ASAP2: variants seen among roughly 807,000 people sequenced by gnomAD.
ASAP2 encodes ArfGAP with SH3 domain, ankyrin repeat and PH domain 2, also known as arf-GAP with SH3 domain, ANK repeat and PH domain-containing protein 2.
In ASAP2, 45 loss-of-function variants were observed where a neutral mutation model predicts 131.4. The observed-to-expected ratio is 0.34, with a 90% confidence interval of 0.27 to 0.44. ASAP2 has a LOEUF of 0.44. Among genes scored for constraint, ASAP2 ranks in the 20% least tolerant of loss-of-function variants. ASAP2 has a pLI of 1.00. For missense variants in ASAP2, 1,011 were observed against 1,297.0 expected, an observed-to-expected ratio of 0.78 and a Z score of 3.39; for synonymous variants, 510 against 503.0, an observed-to-expected ratio of 1.01 and a Z score of -0.19.
At chr2:9,272,888 C>G (rs1292939962) in intron 1 of ASAP2, among the ~76,000 whole-genome samples, 1 of 152,032 alleles carries the variant, frequency 6.6e-6, no homozygotes, top group Non-Finnish European at 1.5e-5. Context: ...TTTCTGGGTT[C>G]TCTATTCCAT....
rs1291699561 is a variant in ASAP2 at position 9,232,041 on chromosome 2, A to T, written c.126+24811A>T. ...GCAGTGGGTGCCCCTGTCATTTGTCAGCCAGAGCATTCAACAGCCTCTGCT... is the reference window on the plus strand; with the variant it reads ...GCAGTGGGTGCCCCTGTCATTTGTCTGCCAGAGCATTCAACAGCCTCTGCT... On this transcript the variant is annotated intron_variant, in intron 1 of 27. Coordinates refer to ENST00000281419, the MANE Select transcript of ASAP2 (RefSeq NM_003887.3). The surrounding 1 kb of genome is among the most constrained non-coding windows in gnomAD (Gnocchi z 4.1). 1.3e-5 allele frequency among the ~76,000 whole-genome samples: 2 copies of T among 152,152 alleles called. No individual in the cohort carries two copies. Among genetic ancestry groups the T allele is most frequent in the Non-Finnish European group, 2.9e-5 (2 of 68,034 alleles).
intron 3 of ASAP2, among the ~76,000 whole-genome samples, chr2:9,299,746 A>G (rs979547769): frequency 1.3e-5 from 2 of 152,186 alleles, no homozygotes; most frequent in Non-Finnish European, 2.9e-5. Flanking sequence ...TATTCAGCTG[A>G]TATCTAGACC....
chr2:9,245,978 C>T (rs974221424), intron 1 of ASAP2, among the ~76,000 whole-genome samples: 4 of 152,132 alleles, frequency 2.6e-5, no homozygotes, highest in Non-Finnish European at 4.4e-5. Flanking sequence ...AACAAGCATA[C>T]GATGGGGATG....
chr2:9,335,071 T>TTG (rs113238701), intron 8 of ASAP2, 22 bp from the exon 9 acceptor site: 19,999 of 1,601,556 alleles, frequency 0.012, 598 homozygotes, highest in African/African-American at 0.099. Context: ...ATTGGTTCTG[T>TTG]TGTGTGTGTG....
At chr2:9,367,793 CAT>C (rs1174732783) in intron 15 of ASAP2, among the ~76,000 whole-genome samples, 2 of 152,216 alleles carry the variant, frequency 1.3e-5, no homozygotes, top group Non-Finnish European at 2.9e-5. Context: ...TAATGTTTAA[CAT>C]GTCAGAAGAT....
rs973269116 is a variant in ASAP2 at position 9,247,728 on chromosome 2, C to T, written c.127-31589C>T. Among the ~76,000 whole-genome samples, 3 of 152,200 alleles carry T rather than the reference C, an allele frequency of 2.0e-5. 1 individual carries two copies. The South Asian group carries it at 6.2e-4, about 31-fold the overall frequency. On this transcript the variant is annotated intron_variant, in intron 1 of 27. Transcript: ENST00000281419. ...TGGTGCCAGACGCGGAGTAGGTGTT[C>T]AGTGAATGCAGAAGCTATTTCTGTT...
chr2:9,270,388 C>G (rs1444587298), intron 1 of ASAP2, among the ~76,000 whole-genome samples: 1 of 151,758 alleles, frequency 6.6e-6, no homozygotes, highest in Non-Finnish European at 1.5e-5. Flanking sequence ...GAGACTCAAG[C>G]TTTGTTATTT....
chr2:9,400,762 G>A lies in ASAP2; in HGVS notation c.2755G>A (p.Ala919Thr). ...TACAGTGGATCTCTCTGCAACGGAA[G>A]CTCTGGGTCCTCTGTCCAATGCTAT... ...RGPVDLSATE[A>T]LGPLSNAMVL... Residue 919 changes from alanine (A) to threonine (T), a missense_variant, in exon 26 of 28, where the codon GCT becomes ACT. This residue lies in a region of ASAP2 where 652 missense variants were observed against 698.9 expected (regional missense o/e 0.93). Transcript: ENST00000281419. 6.2e-7 allele frequency: 1 copy of A among 1,613,770 alleles called. No individual in the cohort carries two copies. The highest frequency in any genetic ancestry group is 8.5e-7 in the Non-Finnish European group (1 of 1,179,966).
chr2:9,323,061 G>A, intron 5 of ASAP2, 60 bp from the exon 6 acceptor site: 2 of 1,606,158 alleles, frequency 1.2e-6, no homozygotes, highest in Admixed American at 3.4e-5. Flanking sequence ...TGGCTTCAAG[G>A]CTGTCCCGTT....
Position 9,266,876 on chromosome 2 carries a change from A to T in ASAP2, c.127-12441A>T, listed in dbSNP as rs570489196. Among the ~76,000 whole-genome samples, 434 of 152,272 alleles carry T rather than the reference A, an allele frequency of 2.9e-3. 2 individuals are homozygous for T. Among genetic ancestry groups the T allele is most frequent in the African/African-American group, 9.8e-3 (409 of 41,564 alleles). On this transcript the variant is annotated intron_variant, in intron 1 of 27. Transcript: ENST00000281419. ...GGCCTGAGCTGGCCGACCTGCATTC[A>T]GTTTCCTCTGTCTCTAGCTTCTCTC...
intron 7 of ASAP2, among the ~76,000 whole-genome samples, chr2:9,333,437 A>G (rs1049558092): frequency 1.3e-5 from 2 of 152,238 alleles, no homozygotes; most frequent in Non-Finnish European, 2.9e-5. Flanking sequence ...AAGGCCTCTT[A>G]TAGGGGAATA....
At chr2:9,278,743 C>T (rs1666922306) in intron 1 of ASAP2, among the ~76,000 whole-genome samples, 1 of 152,062 alleles carries the variant, frequency 6.6e-6, no homozygotes, top group East Asian at 1.9e-4. Flanking sequence ...ATTATTCAAC[C>T]CTGCAAAGTG....
At chr2:9,323,084 A>G (rs1558330784) in intron 5 of ASAP2, 37 bp from the exon 6 acceptor site, 15 of 1,613,152 alleles carry the variant, frequency 9.3e-6, no homozygotes, top group Non-Finnish European at 1.3e-5. Flanking sequence ...GTTCTGTGCC[A>G]ACAGGCATCT....
intron 2 of ASAP2, among the ~76,000 whole-genome samples, chr2:9,280,355 C>A (rs549005542): frequency 2.0e-5 from 3 of 152,176 alleles, no homozygotes; most frequent in East Asian, 3.9e-4. Flanking sequence ...CCTGCTCCCC[C>A]CCACCGCCCC....
At chr2:9,395,405 G>T (rs1302208993) in intron 24 of ASAP2, among the ~76,000 whole-genome samples, 1 of 151,918 alleles carries the variant, frequency 6.6e-6, no homozygotes, top group African/African-American at 2.4e-5. Context: ...AACCCAGGAG[G>T]CGGAGGTTGC....
At chr2:9,347,983 T>C (rs77869394) in intron 11 of ASAP2, among the ~76,000 whole-genome samples, 2 of 152,172 alleles carry the variant, frequency 1.3e-5, no homozygotes, top group South Asian at 2.1e-4. Flanking sequence ...CTGTTGCATC[T>C]TTTTTTTACC....
At chr2:9,351,230 GAGA>G (rs1157997493) in intron 12 of ASAP2, among the ~76,000 whole-genome samples, 1 of 152,224 alleles carries the variant, frequency 6.6e-6, no homozygotes, top group African/African-American at 2.4e-5. Context: ...TTGAAAAAGA[GAGA>G]AGGAGGACAA....
chr2:9,222,826 C>T lies in ASAP2; in HGVS notation c.126+15596C>T, dbSNP rs190686559. 5.3e-5 allele frequency among the ~76,000 whole-genome samples: 8 copies of T among 152,292 alleles called. No homozygotes were observed. In the East Asian group the frequency reaches 1.5e-3, roughly 29 times the overall value. Reference sequence around the variant, plus strand: ...CCATCTTCCTTCCTTCCATTGTCTACACTCCTGGTCCCACCTTTTCCTTGG... The same window carrying T: ...CCATCTTCCTTCCTTCCATTGTCTATACTCCTGGTCCCACCTTTTCCTTGG... On this transcript the variant is annotated intron_variant, in intron 1 of 27. Transcript: ENST00000281419.
In ASAP2 at chr2:9,207,526, G is replaced by T; in HGVS notation, c.126+296G>T. Among the ~76,000 whole-genome samples, 1 of 151,650 alleles carries T rather than the reference G, an allele frequency of 6.6e-6. No individual in the cohort carries two copies. The highest frequency in any genetic ancestry group is 2.1e-4 in the South Asian group (1 of 4,800). ...CCAACTTTGTCCAGAGTCGGGGTCC[G>T]CGGCGAGCGGGGGATCCCGCTGCCC... On this transcript the variant is annotated intron_variant, in intron 1 of 27. Coordinates refer to ENST00000281419, the MANE Select transcript of ASAP2 (RefSeq NM_003887.3). This position sits in a 1 kb window ranked among gnomAD's most constrained non-coding sequence, Gnocchi z 4.1.
Sources: allele counts gnomAD v4.1 joint callset (sites outside exome capture counted in the v4.1 genomes callset), GRCh38; gene constraint gnomAD v4.1.1; regional missense constraint gnomAD v4.1.1; non-coding constraint Gnocchi (gnomAD v3.1); transcripts MANE v1.5; gene names NCBI Gene and HGNC (gene_info 2026-07-23, HGNC 2026-07-21).